FBLN5: variants seen among roughly 807,000 people sequenced by gnomAD.
FBLN5 encodes the protein fibulin 5.
In FBLN5, 24 loss-of-function variants were observed where a neutral mutation model predicts 61.6. The observed-to-expected ratio is 0.39, with a 90% CI of 0.28 to 0.55. The LOEUF (loss-of-function observed/expected upper bound fraction) is 0.55, where lower values mean the gene tolerates loss of function less well. Ranked by LOEUF, FBLN5 falls within the 20% of genes least tolerant of loss-of-function variation. The pLI is 0.65. For missense variants in FBLN5, 470 were observed against 594.1 expected (o/e 0.79, Z 2.17); for synonymous variants, 213 against 219.8 (o/e 0.97, Z 0.27).
intron 2 of FBLN5, among the ~76,000 whole-genome samples, chr14:91,941,673 A>T (rs1316294746): frequency 6.6e-6 from 1 of 152,120 alleles, no homozygotes; most frequent in Admixed American, 6.5e-5. Flanking sequence ...GTTGTCAAGG[A>T]CTGGCATAGG....
chr14:91,877,892 CA>C (rs1889245384), intron 9 of FBLN5: 20 of 658,078 alleles, frequency 3.0e-5, no homozygotes, highest in East Asian at 2.4e-4. Context: ...CTTTTCTCAC[CA>C]ACCAGATGTT....
intron 10 of FBLN5, among the ~76,000 whole-genome samples, chr14:91,871,716 G>A (rs1032954631): frequency 6.6e-6 from 1 of 152,146 alleles, no homozygotes; most frequent in Non-Finnish European, 1.5e-5. Flanking sequence ...AATTAGCAGG[G>A]CATGTTGGCA....
intron 4 of FBLN5, among the ~76,000 whole-genome samples, chr14:91,916,631 C>T (rs1366913238): frequency 1.3e-5 from 2 of 152,086 alleles, no homozygotes; most frequent in African/African-American, 2.4e-5. Flanking sequence ...GCTCTAGGCC[C>T]CTACTTTTGT....
intron 4 of FBLN5, among the ~76,000 whole-genome samples, chr14:91,898,144 T>C (rs1051646609): frequency 6.6e-6 from 1 of 152,238 alleles, no homozygotes; most frequent in Non-Finnish European, 1.5e-5. Flanking sequence ...TTTCACTAAC[T>C]TGTTTAATGA....
chr14:91,947,183 A>C lies in FBLN5; in HGVS notation c.17+30T>G, dbSNP rs778838139. On this transcript the variant is annotated intron_variant, in intron 1 of 10. Coordinates refer to ENST00000342058, the MANE Select transcript of FBLN5 (RefSeq NM_006329.4). The surrounding 1 kb of genome is among the most constrained non-coding windows in gnomAD (Gnocchi z 4.3). ...TTTTAGCAAGGCTTCCAGACCCTGG[A>C]GAAAGAAAAGTCCAGCGCCGAGAAC... 29 of 1,613,944 alleles carry C rather than the reference A, an allele frequency of 1.8e-5. No individual in the cohort carries two copies. In the East Asian group the frequency reaches 6.5e-4, roughly 36 times the overall value.
Position 91,877,586 on chromosome 14 carries a change from G to A in FBLN5, c.1086C>T (p.Pro362=), listed in dbSNP as rs1031426933. 19 of 1,613,784 alleles carry A rather than the reference G, an allele frequency of 1.2e-5. No homozygotes were observed. Among genetic ancestry groups the A allele is most frequent in the East Asian group, 2.2e-5 (1 of 44,896 alleles). The stretch of plus-strand genomic sequence containing the variant: ...TGGCTTGCATTTGGAAGATGTCAGC[G>A]GGAACGGAGCGTCCTGACACCACGT... The part of the protein sequence containing the change: ...DMDVVSGRSV[P]ADIFQMQATT... The change falls in exon 10 of 11, where the codon CCC becomes CCT. Residue 362 remains proline (P), a synonymous_variant. Coordinates refer to ENST00000342058, the MANE Select transcript of FBLN5 (RefSeq NM_006329.4).
At chr14:91,891,170 G>A (rs1336817045) in intron 6 of FBLN5, 51 bp downstream of exon 6, 10 of 1,006,414 alleles carry the variant, frequency 9.9e-6, no homozygotes, top group Admixed American at 5.1e-5. Flanking sequence ...GCTGAAGAAG[G>A]CTGCAGCTAG....
intron 4 of FBLN5, among the ~76,000 whole-genome samples, chr14:91,906,663 T>G (rs555144444): frequency 6.6e-6 from 1 of 152,322 alleles, no homozygotes; most frequent in Admixed American, 6.5e-5. Context: ...CAGCCACCCC[T>G]CTATGGGCAC....
chr14:91,874,363 G>A (rs543850650), intron 10 of FBLN5: 1 of 152,134 alleles, frequency 6.6e-6, no homozygotes, highest in Non-Finnish European at 1.5e-5. Context: ...TGCTATTTCT[G>A]GAATACTTTC....
chr14:91,922,355 T>G (rs969362681), intron 4 of FBLN5, among the ~76,000 whole-genome samples: 1 of 141,516 alleles, frequency 7.1e-6, no homozygotes, highest in African/African-American at 2.6e-5. Context: ...AATAAATAAA[T>G]AAAATGAAGG....
intron 7 of FBLN5, among the ~76,000 whole-genome samples, chr14:91,885,580 T>C (rs1889692020): frequency 6.6e-6 from 1 of 152,106 alleles, no homozygotes; most frequent in African/African-American, 2.4e-5. Flanking sequence ...TATTTAATTT[T>C]TGACCACTCT....
intron 4 of FBLN5, among the ~76,000 whole-genome samples, chr14:91,928,854 C>T (rs957704377): frequency 1.3e-4 from 20 of 151,836 alleles, no homozygotes; most frequent in Admixed American, 3.9e-4. Flanking sequence ...ATCAGGAGAT[C>T]GAGACCATCC....
intron 2 of FBLN5, among the ~76,000 whole-genome samples, chr14:91,941,540 T>C (rs913569680): frequency 6.6e-6 from 1 of 152,026 alleles, no homozygotes; most frequent in Non-Finnish European, 1.5e-5. Flanking sequence ...ATGATGTATA[T>C]GGCCTGCACT....
chr14:91,905,417 T>C (rs1198311516), intron 4 of FBLN5, among the ~76,000 whole-genome samples: 1 of 151,806 alleles, frequency 6.6e-6, no homozygotes, highest in Non-Finnish European at 1.5e-5. Flanking sequence ...TGCTAACAGG[T>C]GAGAACAGGT....
intron 10 of FBLN5, chr14:91,874,373 C>CTAT (rs1889074905): frequency 6.6e-6 from 1 of 152,204 alleles, no homozygotes; most frequent in South Asian, 2.1e-4. Flanking sequence ...GGAATACTTT[C>CTAT]TATTGTAACT....
At chr14:91,923,301 C>T (rs1322461967) in intron 4 of FBLN5, among the ~76,000 whole-genome samples, 5 of 152,204 alleles carry the variant, frequency 3.3e-5, no homozygotes, top group African/African-American at 1.2e-4. Flanking sequence ...CCAGTGTTCA[C>T]AGAATAAAGC....
intron 4 of FBLN5, among the ~76,000 whole-genome samples, chr14:91,931,260 C>G (rs143502523): frequency 9.8e-4 from 149 of 152,302 alleles, no homozygotes; most frequent in South Asian, 3.1e-3. Flanking sequence ...CAGAGGCCGT[C>G]TTGAATTTCA....
At chr14:91,883,645 T>TTA (rs1555375086) in intron 7 of FBLN5, among the ~76,000 whole-genome samples, 12 of 80,062 alleles carry the variant, frequency 1.5e-4, no homozygotes, top group African/African-American at 6.0e-4. Flanking sequence ...CTTCACTGTG[T>TTA]AAAAAAAAAA....
At chr14:91,916,154 G>T (rs895407311) in intron 4 of FBLN5, among the ~76,000 whole-genome samples, 2 of 152,090 alleles carry the variant, frequency 1.3e-5, no homozygotes, top group South Asian at 4.2e-4. Context: ...CAGCTCAAAA[G>T]AATTCAGGTG....
Sources: allele counts gnomAD v4.1 joint callset (sites outside exome capture counted in the v4.1 genomes callset), GRCh38; gene constraint gnomAD v4.1.1; non-coding constraint Gnocchi (gnomAD v3.1); transcripts MANE v1.5; gene names NCBI Gene and HGNC (gene_info 2026-07-23, HGNC 2026-07-21).